VTA1: variants seen among roughly 807,000 people sequenced by gnomAD.
VTA1 encodes the protein vacuolar protein sorting-associated protein VTA1 homolog.
A neutral mutation model predicts 36.9 loss-of-function variants in VTA1; 24 were observed. The observed-to-expected ratio is 0.65, with a 90% CI of 0.47 to 0.91. The LOEUF (loss-of-function observed/expected upper bound fraction) is 0.91, where lower values mean the gene tolerates loss of function less well. VTA1 is among the 40% of genes least tolerant of loss of function. VTA1 has a pLI of 0.00. For synonymous variants in VTA1, 142 were observed against 130.2 expected (o/e 1.09, Z -0.62); for missense variants, 393 against 377.2 (o/e 1.04, Z -0.35).
In VTA1 at chr6:142,187,912, C is replaced by CTTTTT. The variant is rs58131768; in HGVS notation, c.412-1500_412-1496dup. ...ATCTTTGCAAAAGGATACTTTCTTT[C>CTTTTT]TTTTTTTTTTTTTTTTTTGGCCGGG... On this transcript the variant is annotated intron_variant, in intron 4 of 7. Transcript: ENST00000367630. Among the ~76,000 whole-genome samples the CTTTTT allele has an allele frequency of 1.1e-4, 13 of 120,692 alleles. 1 individual carries two copies. Among genetic ancestry groups the CTTTTT allele is most frequent in the Non-Finnish European group, 1.2e-4 (7 of 59,500 alleles). 79.2% of individuals were successfully genotyped at this position (120,692 alleles called of 152,430 possible). A position where few individuals can be genotyped will look rare whatever the true frequency, so the allele number is the denominator to read the frequency against.
At chr6:142,184,145 C>T (rs546334929) in intron 4 of VTA1, among the ~76,000 whole-genome samples, 1 of 152,142 alleles carries the variant, frequency 6.6e-6, no homozygotes, top group Non-Finnish European at 1.5e-5. Flanking sequence ...TCGTAACTAC[C>T]AAAAGGTACA....
rs189171379 is a variant in VTA1, at chr6:142,169,456, T to G, written c.208-94T>G. On this transcript the variant is annotated intron_variant, in intron 2 of 7. Coordinates refer to ENST00000367630, the MANE Select transcript of VTA1 (RefSeq NM_016485.5). ...ATCTTTTATTGAAATGAATGTAAAA[T>G]AATTTACTTAAAATGATTATTAGAA... 3.3e-5 allele frequency: 44 copies of G among 1,339,810 alleles called. No homozygotes were observed. The African/African-American group carries it at 6.1e-4, about 19-fold the overall frequency. 83.0% of individuals were successfully genotyped at this position (1,339,810 alleles called of 1,614,324 possible). A position where few individuals can be genotyped will look rare whatever the true frequency, so the allele number is the denominator to read the frequency against.
intron 1 of VTA1, among the ~76,000 whole-genome samples, chr6:142,154,879 C>T (rs1485891208): frequency 2.0e-5 from 3 of 151,918 alleles, no homozygotes; most frequent in Admixed American, 1.3e-4. Flanking sequence ...ACTCTGGTTT[C>T]TTAGATATTG....
At chr6:142,180,508 A>G (rs1775206649) in intron 4 of VTA1, among the ~76,000 whole-genome samples, 1 of 152,178 alleles carries the variant, frequency 6.6e-6, no homozygotes, top group Non-Finnish European at 1.5e-5. Flanking sequence ...ATAGTGATAA[A>G]ATTAAATTAT....
chr6:142,223,038 T>G lies in VTA1; in HGVS notation c.*4395T>G, dbSNP rs1776138574. On this transcript the variant is annotated 3_prime_UTR_variant, in exon 8 of 8. Coordinates refer to ENST00000367630, the MANE Select transcript of VTA1 (RefSeq NM_016485.5). ...ATCATCCATGTCAGTAAGTCACCTG[T>G]TACATTGTAAGTACAATGAGATGTT... 2 of 152,218 alleles carry G rather than the reference T, an allele frequency of 1.3e-5. No individual in the cohort carries two copies. The highest frequency in any genetic ancestry group is 1.3e-4 in the Admixed American group (2 of 15,278). The allele number at this position is 152,218 out of a possible 1,614,324, so 9.4% of individuals were successfully genotyped here.
chr6:142,167,242 A>C (rs537353435), intron 2 of VTA1, among the ~76,000 whole-genome samples: 1 of 152,166 alleles, frequency 6.6e-6, no homozygotes, highest in African/African-American at 2.4e-5. Flanking sequence ...ATGTCAGTGC[A>C]TAAAGAAGGC....
intron 4 of VTA1, 132 bp downstream of exon 4, chr6:142,170,553 G>T: frequency 3.5e-6 from 2 of 575,236 alleles, no homozygotes; most frequent in Admixed American, 3.4e-5. Context: ...ATGTAATTTT[G>T]CATTTTTTAT....
rs1222740265 is a variant in VTA1 at position 142,219,705 on chromosome 6, GTTTT to G, written c.*1065_*1068del. 1 of 151,966 alleles carries G rather than the reference GTTTT, an allele frequency of 6.6e-6. No homozygotes were observed. Among genetic ancestry groups the G allele is most frequent in the African/African-American group, 2.4e-5 (1 of 41,392 alleles). 9.4% of individuals were successfully genotyped at this position (151,966 alleles called of 1,614,324 possible). A position where few individuals can be genotyped will look rare whatever the true frequency, so the allele number is the denominator to read the frequency against. ...TGGGTGTTTCTATAGGAAGAAACAG[GTTTT>G]TTGTTTTTTGTTTTTTAAGATAAAT... On this transcript the variant is annotated 3_prime_UTR_variant, in exon 8 of 8. Coordinates refer to ENST00000367630, the MANE Select transcript of VTA1 (RefSeq NM_016485.5).
Position 142,220,074 on chromosome 6 carries a change from A to G in VTA1, c.*1431A>G, listed in dbSNP as rs1303753022. On this transcript the variant is annotated 3_prime_UTR_variant, in exon 8 of 8. Coordinates refer to ENST00000367630, the MANE Select transcript of VTA1 (RefSeq NM_016485.5). ...TTCTGCATAAATGTAATGCTATTGT[A>G]CAGGGTTTGGTAGAATAAATATTCA... 6.6e-6 allele frequency: 1 copy of G among 152,204 alleles called. No individual in the cohort carries two copies. Among genetic ancestry groups the G allele is most frequent in the Non-Finnish European group, 1.5e-5 (1 of 68,040 alleles). 9.4% of individuals were successfully genotyped at this position (152,204 alleles called of 1,614,324 possible). A position where few individuals can be genotyped will look rare whatever the true frequency, so the allele number is the denominator to read the frequency against.
At chr6:142,182,351 G>T (rs534666397) in intron 4 of VTA1, among the ~76,000 whole-genome samples, 1 of 152,092 alleles carries the variant, frequency 6.6e-6, no homozygotes, top group African/African-American at 2.4e-5. Flanking sequence ...TGAGGGTGGT[G>T]GGGGGAGGAT....
At chr6:142,166,157 ATATT>A (rs1446277695) in intron 1 of VTA1, 67 bp from the exon 2 acceptor site, 31 of 944,392 alleles carry the variant, frequency 3.3e-5, no homozygotes, top group Non-Finnish European at 4.6e-5. Context: ...ATTAGCAATT[ATATT>A]TTAAACACTC....
At chr6:142,160,676 G>T (rs541208508) in intron 1 of VTA1, among the ~76,000 whole-genome samples, 1 of 151,954 alleles carries the variant, frequency 6.6e-6, no homozygotes, top group East Asian at 1.9e-4. Flanking sequence ...CTTTCTCCAG[G>T]TATCATGGTC....
chr6:142,150,411 G>C (rs1778545668), intron 1 of VTA1, among the ~76,000 whole-genome samples: 1 of 152,028 alleles, frequency 6.6e-6, no homozygotes, highest in Non-Finnish European at 1.5e-5. Flanking sequence ...CTGTGGTCAG[G>C]GTAGCAAAGT....
intron 7 of VTA1, among the ~76,000 whole-genome samples, chr6:142,215,056 A>C (rs1330419580): frequency 6.6e-6 from 1 of 152,222 alleles, no homozygotes; most frequent in East Asian, 1.9e-4. Context: ...GGAATTGGAT[A>C]GGTAGGTATT....
In VTA1 at chr6:142,218,834, C is replaced by G. The variant is rs1218704742; in HGVS notation, c.*191C>G. 1.7e-6 allele frequency: 1 copy of G among 590,816 alleles called. No homozygotes were observed. The highest frequency in any genetic ancestry group is 2.7e-6 in the Non-Finnish European group (1 of 366,682). The allele number at this position is 590,816 out of a possible 1,614,324, so 36.6% of individuals were successfully genotyped here. On this transcript the variant is annotated 3_prime_UTR_variant, in exon 8 of 8. Transcript: ENST00000367630. Reference sequence around the variant, plus strand: ...TCAACCAGTTTTCATTGTCCATTTACTAGATTCAATCGTCTCTGAGTATAT... The same window carrying G: ...TCAACCAGTTTTCATTGTCCATTTAGTAGATTCAATCGTCTCTGAGTATAT...
At chr6:142,167,095 C>G (rs1247926248) in intron 2 of VTA1, among the ~76,000 whole-genome samples, 1 of 152,168 alleles carries the variant, frequency 6.6e-6, no homozygotes, top group Non-Finnish European at 1.5e-5. Flanking sequence ...GGTCCCAGGG[C>G]AAGATATTCT....
chr6:142,214,398 G>T (rs1280373565), intron 7 of VTA1, among the ~76,000 whole-genome samples: 1 of 152,150 alleles, frequency 6.6e-6, no homozygotes, highest in African/African-American at 2.4e-5. Context: ...AGGTGAAGGG[G>T]AAGCAGGCAC....
At chr6:142,163,818 CA>C (rs1268695154) in intron 1 of VTA1, among the ~76,000 whole-genome samples, 2 of 152,060 alleles carry the variant, frequency 1.3e-5, no homozygotes, top group African/African-American at 4.8e-5. Flanking sequence ...TTAGAAAAAA[CA>C]TTGAATACAA....
At chr6:142,177,018 T>G (rs902341646) in intron 4 of VTA1, among the ~76,000 whole-genome samples, 7 of 152,204 alleles carry the variant, frequency 4.6e-5, no homozygotes, top group Admixed American at 3.9e-4. Flanking sequence ...TAGAAAACCA[T>G]GGTAAAGCAG....
Sources: allele counts gnomAD v4.1 joint callset (sites outside exome capture counted in the v4.1 genomes callset), GRCh38; gene constraint gnomAD v4.1.1; transcripts MANE v1.5; gene names NCBI Gene and HGNC (gene_info 2026-07-23, HGNC 2026-07-21).